The following SPAG17 variants were observed in gnomAD, a reference collection of about 807,000 sequenced individuals.
SPAG17 encodes sperm-associated antigen 17.
In SPAG17, 169 loss-of-function variants were observed where a neutral mutation model predicts 273.6. The ratio of observed to expected loss-of-function variants is 0.62; its 90% CI spans 0.55 to 0.70. The LOEUF (loss-of-function observed/expected upper bound fraction) is 0.70, where lower values mean the gene tolerates loss of function less well. Among genes scored for constraint, SPAG17 ranks in the 30% least tolerant of loss-of-function variants. The pLI is 0.00. For missense variants in SPAG17, 2,557 were observed against 2,627.8 expected, an observed-to-expected ratio of 0.97 and a Z score of 0.59; for synonymous variants, 825 against 873.2, an observed-to-expected ratio of 0.94 and a Z score of 0.97.
At chr1:117,973,658 A>T (rs1451583848) in intron 43 of SPAG17, 97 bp from the exon 44 acceptor site, 2 of 1,279,740 alleles carry the variant, frequency 1.6e-6, no homozygotes, top group Non-Finnish European at 2.1e-6. Flanking sequence ...CCAACTTGGA[A>T]ACTTTTTTTC....
At chr1:118,148,353 G>C (rs1390952940) in intron 3 of SPAG17, among the ~76,000 whole-genome samples, 7 of 152,120 alleles carry the variant, frequency 4.6e-5, no homozygotes, top group Non-Finnish European at 7.3e-5. Context: ...TTGTCACAAA[G>C]AGCGAAAAAA....
intron 1 of SPAG17, among the ~76,000 whole-genome samples, chr1:118,173,396 G>C (rs1189667626): frequency 1.3e-5 from 2 of 152,122 alleles, no homozygotes; most frequent in Non-Finnish European, 2.9e-5. Context: ...GCTTTCAGTG[G>C]GCAGCCCAAG....
intron 1 of SPAG17, among the ~76,000 whole-genome samples, chr1:118,167,416 T>C (rs141546919): frequency 1.3e-3 from 192 of 152,254 alleles, no homozygotes; most frequent in African/African-American, 4.5e-3. Context: ...TTGTGACTGA[T>C]TTTTTCTTTT....
In SPAG17 at chr1:118,124,800, G is replaced by A. The variant is rs138224421; in HGVS notation, c.316-9359C>T. On this transcript the variant is annotated intron_variant, in intron 3 of 48. Coordinates refer to ENST00000336338, the MANE Select transcript of SPAG17 (RefSeq NM_206996.4). ...CACACAGCCGGTAATTAGTAGAGAT[G>A]GGATTTGAACCCAGGCTATCTGGTT... 1.8e-3 allele frequency among the ~76,000 whole-genome samples: 275 copies of A among 152,272 alleles called. 2 individuals are homozygous for A. The highest frequency in any genetic ancestry group is 6.5e-3 in the African/African-American group (269 of 41,552).
chr1:117,986,612 A>G (rs1308153128), intron 40 of SPAG17, among the ~76,000 whole-genome samples: 2 of 152,216 alleles, frequency 1.3e-5, no homozygotes, highest in African/African-American at 4.8e-5. Context: ...CAGTTTAAAG[A>G]ACACTCAAGA....
intron 45 of SPAG17, among the ~76,000 whole-genome samples, chr1:117,971,029 C>T (rs908894340): frequency 6.6e-6 from 1 of 151,966 alleles, no homozygotes; most frequent in Non-Finnish European, 1.5e-5. Context: ...GGACAGGGAT[C>T]TTTCAAACTG....
chr1:118,065,394 A>G (rs1346165613), intron 18 of SPAG17, among the ~76,000 whole-genome samples: 1 of 152,162 alleles, frequency 6.6e-6, no homozygotes, highest in Non-Finnish European at 1.5e-5. Flanking sequence ...TTAATTTTCC[A>G]CAAACTATTT....
intron 48 of SPAG17, among the ~76,000 whole-genome samples, chr1:117,956,421 AAAC>A (rs1164496970): frequency 6.6e-6 from 1 of 152,232 alleles, no homozygotes; most frequent in Non-Finnish European, 1.5e-5. Flanking sequence ...TCCTTACAAG[AAAC>A]AACACTTGTC....
chr1:118,028,384 ACTT>A lies in SPAG17; in HGVS notation c.3617_3619del (p.Glu1206del). On this transcript the variant is annotated inframe_deletion, in exon 26 of 49. Coordinates refer to ENST00000336338, the MANE Select transcript of SPAG17 (RefSeq NM_206996.4). The stretch of plus-strand genomic sequence containing the variant: ...CTCTTGTAAAACAGGTTCTGGTTCT[ACTT>A]CTTCTTCCTGTAAATAATTCAGCAT... 4 of 1,613,252 alleles carry A rather than the reference ACTT, an allele frequency of 2.5e-6. No homozygotes were observed. The highest frequency in any genetic ancestry group is 1.7e-5 in the Admixed American group (1 of 59,834).
chr1:118,110,036 C>T (rs557567113), intron 4 of SPAG17, among the ~76,000 whole-genome samples: 2 of 152,278 alleles, frequency 1.3e-5, no homozygotes, highest in African/African-American at 2.4e-5. Flanking sequence ...ATAGGGCTCA[C>T]TTTGAACATA....
At chr1:118,158,488 G>T (rs1308515752) in intron 1 of SPAG17, among the ~76,000 whole-genome samples, 1 of 152,184 alleles carries the variant, frequency 6.6e-6, no homozygotes, top group Non-Finnish European at 1.5e-5. Flanking sequence ...TTTGCTGGTT[G>T]AACTGCAAAT....
At chr1:118,042,841 C>T (rs997781471) in intron 20 of SPAG17, among the ~76,000 whole-genome samples, 1 of 152,308 alleles carries the variant, frequency 6.6e-6, no homozygotes, top group Middle Eastern at 3.4e-3. Flanking sequence ...GAACTACTCC[C>T]ACACTGTGGT....
chr1:118,074,725 G>C, intron 15 of SPAG17, 125 bp from the exon 16 acceptor site: 1 of 831,308 alleles, frequency 1.2e-6, no homozygotes, highest in Non-Finnish European at 1.9e-6. Flanking sequence ...ATGCCTGAAA[G>C]GCATGTTTTG....
At chr1:117,954,111 G>A in intron 48 of SPAG17, 62 bp from the exon 49 acceptor site, 2 of 1,601,952 alleles carry the variant, frequency 1.2e-6, no homozygotes, top group Non-Finnish European at 1.7e-6. Flanking sequence ...TAATAAGAGA[G>A]TACAGTAAGT....
In SPAG17 at chr1:118,008,064, T is replaced by C. The variant is rs758359495; in HGVS notation, c.4567A>G (p.Lys1523Glu). 5 of 1,613,948 alleles carry C rather than the reference T, an allele frequency of 3.1e-6. No homozygotes were observed. Among genetic ancestry groups the C allele is most frequent in the Non-Finnish European group, 4.2e-6 (5 of 1,179,944 alleles). Residue 1523 changes from lysine (K) to glutamate (E), a missense_variant, in exon 31 of 49, where the codon AAG (lysine) becomes GAG (glutamate). By Grantham distance (56) the Lys-to-Glu change is moderately conservative. Coordinates refer to ENST00000336338, the MANE Select transcript of SPAG17 (RefSeq NM_206996.4). ...TFGDGTTIIA[K>E]PQGTYQVLPP... ...CCTACCTGGTATGTTCCCTGTGGCT[T>C]TGCAATAATAGTTGTTCCATCTCCA...
intron 13 of SPAG17, among the ~76,000 whole-genome samples, chr1:118,084,028 C>T (rs867934678): frequency 1.3e-5 from 2 of 152,114 alleles, no homozygotes; most frequent in Middle Eastern, 3.4e-3. Flanking sequence ...ATGGTGGCAG[C>T]AGGAACAAAA....
intron 32 of SPAG17, among the ~76,000 whole-genome samples, chr1:118,001,951 T>C (rs1027873472): frequency 1.3e-5 from 2 of 152,244 alleles, no homozygotes; most frequent in Non-Finnish European, 2.9e-5. Flanking sequence ...CTTTCTCTCA[T>C]GGGCATTTAG....
At position 118,099,815 on chromosome 1, in the gene SPAG17, A is replaced by G. The variant is rs1277921525; in HGVS notation, c.635-15T>C. ...TGGCTCATCGTCTGTTCAAAATACC[A>G]TAAAGAAGAGCAGCCATCATTGTAA... On this transcript the variant is annotated splice_polypyrimidine_tract_variant and intron_variant, in intron 5 of 48. Transcript: ENST00000336338. 8 of 1,607,016 alleles carry G rather than the reference A, an allele frequency of 5.0e-6. No homozygotes were observed. The highest frequency in any genetic ancestry group is 6.8e-6 in the Non-Finnish European group (8 of 1,176,198).
intron 48 of SPAG17, chr1:117,955,191 C>A: frequency 1.3e-6 from 1 of 744,900 alleles, no homozygotes; most frequent in Non-Finnish European, 2.1e-6. Flanking sequence ...CAGATCTTGC[C>A]ATTTTAGAAT....
Sources: gnomAD v4.1 joint callset for allele counts (sites outside exome capture counted in the v4.1 genomes callset) on GRCh38, gnomAD v4.1.1 for gene constraint, MANE v1.5 for transcripts, NCBI Gene and HGNC (gene_info 2026-07-23, HGNC 2026-07-21) for gene names.